The following CMSS1 variants were observed in gnomAD, a reference collection of about 807,000 sequenced individuals.
The protein encoded by CMSS1 is protein CMSS1.
A neutral mutation model predicts 43.5 loss-of-function variants in CMSS1; 33 were observed. The ratio of observed to expected loss-of-function variants is 0.76; its 90% confidence interval spans 0.57 to 1.01. CMSS1 has a LOEUF of 1.01. CMSS1 is among the 50% of genes least tolerant of loss of function. The probability of loss-of-function intolerance (pLI) is 0.00; values close to 1 mark genes in which losing one functional copy is unlikely to be tolerated. For missense variants in CMSS1, 313 were observed against 326.4 expected (o/e 0.96, Z 0.32); for synonymous variants, 115 against 117.2 (o/e 0.98, Z 0.12).
chr3:100,089,703 T>C (rs548793309), intron 1 of CMSS1, among the ~76,000 whole-genome samples: 1 of 152,358 alleles, frequency 6.6e-6, no homozygotes, highest in East Asian at 1.9e-4. Flanking sequence ...ACAAATTTCA[T>C]AGGCATTTGT....
chr3:100,137,709 C>G (rs1320041425), intron 1 of CMSS1, among the ~76,000 whole-genome samples: 1 of 151,912 alleles, frequency 6.6e-6, no homozygotes, highest in African/African-American at 2.4e-5. Context: ...ACTATAGGCG[C>G]CCGCCACCAT....
intron 1 of CMSS1, among the ~76,000 whole-genome samples, chr3:100,039,463 A>G (rs1035295959): frequency 5.3e-5 from 8 of 152,228 alleles, no homozygotes; most frequent in African/African-American, 1.9e-4. Flanking sequence ...AACTTGGTTT[A>G]ATACTTAATG....
At position 99,893,110 on chromosome 3, in the gene CMSS1, AC is replaced by A. The variant is rs556496603; in HGVS notation, c.64+75069del. 2.2e-3 allele frequency among the ~76,000 whole-genome samples: 330 copies of A among 148,210 alleles called. 4 individuals carry two copies. Among genetic ancestry groups the A allele is most frequent in the African/African-American group, 8.0e-3 (320 of 40,048 alleles). ...AGAAATCTGGGGATTTTTAGAAGAC[AC>A]CTTTCTGCTTTCAGGTATCTCTATT... On this transcript the variant is annotated intron_variant, in intron 1 of 9. Transcript: ENST00000421999.
chr3:99,983,414 ATATATG>A (rs1191921981), intron 1 of CMSS1, among the ~76,000 whole-genome samples: 37 of 95,014 alleles, frequency 3.9e-4, no homozygotes, highest in Non-Finnish European at 5.9e-4. Context: ...ATATATATAT[ATATATG>A]TATGTATGTA....
chr3:100,006,145 A>C (rs1024005399), intron 1 of CMSS1, among the ~76,000 whole-genome samples: 9 of 152,172 alleles, frequency 5.9e-5, no homozygotes, highest in African/African-American at 2.2e-4. Flanking sequence ...TGTGGGATGC[A>C]GGTAGGTATA....
intron 1 of CMSS1, among the ~76,000 whole-genome samples, chr3:100,022,524 T>C (rs2064844773): frequency 6.6e-6 from 1 of 152,238 alleles, no homozygotes; most frequent in African/African-American, 2.4e-5. Flanking sequence ...TATCTTATAT[T>C]GGACCTGAGT....
At chr3:99,930,423 C>T (rs1707440400) in intron 1 of CMSS1, among the ~76,000 whole-genome samples, 1 of 152,162 alleles carries the variant, frequency 6.6e-6, no homozygotes, top group Non-Finnish European at 1.5e-5. Context: ...AGCCAGTTCA[C>T]TTGGGGTACA....
intron 1 of CMSS1, among the ~76,000 whole-genome samples, chr3:99,989,990 G>A (rs1427548865): frequency 2.6e-5 from 4 of 151,996 alleles, no homozygotes; most frequent in Non-Finnish European, 5.9e-5. Flanking sequence ...AATGCCAGTG[G>A]TTTATTTCTG....
chr3:100,011,969 G>GC (rs1710169209), intron 1 of CMSS1, among the ~76,000 whole-genome samples: 3 of 152,254 alleles, frequency 2.0e-5, no homozygotes, highest in Non-Finnish European at 4.4e-5. Context: ...TTGTGTGGCT[G>GC]CTTTCTGATA....
intron 1 of CMSS1, among the ~76,000 whole-genome samples, chr3:100,100,741 CAT>C (rs2107456176): frequency 6.6e-6 from 1 of 152,304 alleles, no homozygotes; most frequent in South Asian, 2.1e-4. Flanking sequence ...TGAGAAATAG[CAT>C]CACTAAGATA....
At chr3:99,850,379 C>A (rs368967496) in intron 1 of CMSS1, 1 of 1,612,862 alleles carries the variant, frequency 6.2e-7, no homozygotes, top group Non-Finnish European at 8.5e-7. Context: ...TTGTTGAAAG[C>A]GTCTTCTAAC....
At chr3:99,974,667 A>G (rs1453927601) in intron 1 of CMSS1, among the ~76,000 whole-genome samples, 2 of 152,186 alleles carry the variant, frequency 1.3e-5, no homozygotes, top group African/African-American at 2.4e-5. Flanking sequence ...AGGTCATGCC[A>G]TTGCACTCCA....
intron 1 of CMSS1, among the ~76,000 whole-genome samples, chr3:99,969,239 A>G (rs926490290): frequency 6.6e-6 from 1 of 152,188 alleles, no homozygotes; most frequent in Non-Finnish European, 1.5e-5. Context: ...GGGATAATGT[A>G]TGTATAATTC....
intron 1 of CMSS1, among the ~76,000 whole-genome samples, chr3:99,912,537 C>G (rs1706824538): frequency 6.6e-6 from 1 of 152,074 alleles, no homozygotes; most frequent in Admixed American, 6.5e-5. Context: ...GCCAGCACAC[C>G]CAGCTAAATT....
intron 1 of CMSS1, among the ~76,000 whole-genome samples, chr3:99,897,890 G>A (rs1706310274): frequency 6.6e-6 from 1 of 152,170 alleles, no homozygotes; most frequent in Non-Finnish European, 1.5e-5. Flanking sequence ...CCACGAATAT[G>A]TCCAGTGTTC....
chr3:99,983,372 TAAAA>T (rs1709184728), intron 1 of CMSS1, among the ~76,000 whole-genome samples: 2 of 96,560 alleles, frequency 2.1e-5, no homozygotes, highest in Non-Finnish European at 3.9e-5. Flanking sequence ...TGTCTCTACT[TAAAA>T]AATAAATAAA....
chr3:100,111,248 G>A (rs1005083994), intron 1 of CMSS1, among the ~76,000 whole-genome samples: 2 of 152,120 alleles, frequency 1.3e-5, no homozygotes, highest in African/African-American at 4.8e-5. Context: ...TCCTCTACCT[G>A]CATGTTTTCC....
At chr3:100,058,979 T>A (rs1474121570) in intron 1 of CMSS1, among the ~76,000 whole-genome samples, 2 of 152,226 alleles carry the variant, frequency 1.3e-5, no homozygotes, top group African/African-American at 4.8e-5. Flanking sequence ...CAGGAAAAGG[T>A]CCTTGGTAAC....
intron 1 of CMSS1, among the ~76,000 whole-genome samples, chr3:100,133,414 T>C (rs2066725599): frequency 1.3e-5 from 2 of 152,148 alleles, no homozygotes; most frequent in South Asian, 4.1e-4. Flanking sequence ...ATGCTGGATA[T>C]CTTTTACAGT....
Sources: gnomAD v4.1 joint callset for allele counts (sites outside exome capture counted in the v4.1 genomes callset) on GRCh38, gnomAD v4.1.1 for gene constraint, MANE v1.5 for transcripts, NCBI Gene and HGNC (gene_info 2026-07-23, HGNC 2026-07-21) for gene names.